Variants in C4orf17 observed in about 807,000 individuals in gnomAD.
C4orf17 encodes the protein uncharacterized protein C4orf17.
Under a neutral mutation model 32.0 loss-of-function variants are expected in C4orf17, and 25 were observed. That is an observed-to-expected ratio of 0.78 (90% CI 0.57 to 1.09). The LOEUF is 1.09. C4orf17 is among the 50% of genes least tolerant of loss of function. C4orf17 has a pLI of 0.00. For missense variants in C4orf17, 420 were observed against 420.0 expected (o/e 1.00, Z 0.00); for synonymous variants, 149 against 145.8 (o/e 1.02, Z -0.16).
At chr4:99,524,067 C>A (rs1047222172) in intron 3 of C4orf17, among the ~76,000 whole-genome samples, 10 of 150,494 alleles carry the variant, frequency 6.6e-5, no homozygotes, top group Admixed American at 3.3e-4. Context: ...GCAAACTCCA[C>A]CTCCTGGGTT....
At chr4:99,524,062 C>A (rs929704133) in intron 3 of C4orf17, among the ~76,000 whole-genome samples, 4 of 147,320 alleles carry the variant, frequency 2.7e-5, no homozygotes, top group African/African-American at 1.0e-4. Context: ...TCACTGCAAA[C>A]TCCACCTCCT....
intron 1 of C4orf17, among the ~76,000 whole-genome samples, chr4:99,512,339 A>T (rs1430248531): frequency 2.0e-5 from 3 of 152,154 alleles, no homozygotes; most frequent in Non-Finnish European, 2.9e-5. Context: ...TCTTTCTCAC[A>T]TGGTTGTGAA....
In C4orf17 at chr4:99,520,093, T is replaced by A. The variant is rs1317660860; in HGVS notation, c.128-2407T>A. Reference sequence around the variant, plus strand: ...AAACCCCAAAACCCACATTTAATTTTTTTTTTTTTTTTTTGAGACGGAGTC... The same window carrying A: ...AAACCCCAAAACCCACATTTAATTTATTTTTTTTTTTTTTGAGACGGAGTC... On this transcript the variant is annotated intron_variant, in intron 2 of 8. Transcript: ENST00000326581. Among the ~76,000 whole-genome samples, 3 of 151,164 alleles carry A rather than the reference T, an allele frequency of 2.0e-5. No individual in the cohort carries two copies. In the East Asian group the frequency reaches 5.9e-4, roughly 30 times the overall value.
At chr4:99,529,208 C>T (rs2110170893) in intron 4 of C4orf17, among the ~76,000 whole-genome samples, 1 of 152,152 alleles carries the variant, frequency 6.6e-6, no homozygotes, top group East Asian at 1.9e-4. Context: ...GGAACAGGCC[C>T]ATGGATCTAA....
chr4:99,523,003 C>G (rs1433984023), intron 3 of C4orf17, among the ~76,000 whole-genome samples: 1 of 152,098 alleles, frequency 6.6e-6, no homozygotes. Flanking sequence ...GAATGTTGTT[C>G]CAACACTGAT....
In C4orf17 at chr4:99,540,400, C is replaced by A; in HGVS notation, c.837-12C>A. 6.2e-7 allele frequency: 1 copy of A among 1,602,736 alleles called. No individual in the cohort carries two copies. The highest frequency in any genetic ancestry group is 1.1e-5 in the South Asian group (1 of 89,436). Reference sequence around the variant, plus strand: ...TGTGAAATTCACTTTTTTCTTTCTCCAACTGATCTAGAGTGTCAAGTCAAG... The same window carrying A: ...TGTGAAATTCACTTTTTTCTTTCTCAAACTGATCTAGAGTGTCAAGTCAAG... On this transcript the variant is annotated splice_polypyrimidine_tract_variant and intron_variant, in intron 7 of 8. Coordinates refer to ENST00000326581, the MANE Select transcript of C4orf17 (RefSeq NM_032149.3).
rs759839030 is a variant in C4orf17 at position 99,539,165 on chromosome 4, A to G, written c.631A>G (p.Lys211Glu). ...QWLLHATSKE[K>E]EWVSALIHSE... ...CCCTTTTTTGTCTTTTAAACCAGAAAAAGAGTGGGTCTCAGCTTTGATTCA... is the reference window on the plus strand; with the variant it reads ...CCCTTTTTTGTCTTTTAAACCAGAAGAAGAGTGGGTCTCAGCTTTGATTCA... Residue 211 changes from lysine (K) to glutamate (E), a missense_variant and splice_region_variant, in exon 7 of 9, where the codon AAA (lysine) becomes GAA (glutamate). Lys to Glu is a moderately conservative substitution (Grantham distance 56). Transcript: ENST00000326581. 6.2e-7 allele frequency: 1 copy of G among 1,613,764 alleles called. No homozygotes were observed. The highest frequency in any genetic ancestry group is 8.5e-7 in the Non-Finnish European group (1 of 1,179,704).
chr4:99,531,653 C>T (rs895532474), intron 5 of C4orf17, among the ~76,000 whole-genome samples: 1 of 152,148 alleles, frequency 6.6e-6, no homozygotes, highest in Non-Finnish European at 1.5e-5. Flanking sequence ...GATTTCTTAG[C>T]ACTCACCACT....
chr4:99,511,579 CAATT>C (rs1723094624), intron 1 of C4orf17, among the ~76,000 whole-genome samples: 2 of 152,030 alleles, frequency 1.3e-5, no homozygotes. Context: ...GGCAATAAAA[CAATT>C]AATCTGTGGT....
chr4:99,512,233 A>G (rs1002412965), intron 1 of C4orf17, among the ~76,000 whole-genome samples: 1 of 152,196 alleles, frequency 6.6e-6, no homozygotes, highest in Admixed American at 6.5e-5. Flanking sequence ...AAAAAATACA[A>G]CAAGCACCAG....
In C4orf17 at chr4:99,522,493, C is replaced by A; in HGVS notation, c.128-7C>A. On this transcript the variant is annotated splice_polypyrimidine_tract_variant and splice_region_variant and intron_variant, in intron 2 of 8. Transcript: ENST00000326581. Reference sequence around the variant, plus strand: ...TCTGTCTCTTTTTTTAATCTTTACTCACCTAGGCTTGAATAACATTCCAAT... The same window carrying A: ...TCTGTCTCTTTTTTTAATCTTTACTAACCTAGGCTTGAATAACATTCCAAT... 1 of 1,608,496 alleles carries A rather than the reference C, an allele frequency of 6.2e-7. No homozygotes were observed. Among genetic ancestry groups the A allele is most frequent in the South Asian group, 1.1e-5 (1 of 90,564 alleles).
In C4orf17 at chr4:99,521,967, C is replaced by T. The variant is rs557664076; in HGVS notation, c.128-533C>T. ...AGGAGTTCCTTTTATACCAACTTCT[C>T]CTTCCTCCTTCTTTCACAATCTACC... On this transcript the variant is annotated intron_variant, in intron 2 of 8. Coordinates refer to ENST00000326581, the MANE Select transcript of C4orf17 (RefSeq NM_032149.3). 2.0e-5 allele frequency among the ~76,000 whole-genome samples: 3 copies of T among 152,298 alleles called. No individual in the cohort carries two copies. The South Asian group carries it at 6.2e-4, about 32-fold the overall frequency.
chr4:99,518,618 C>T (rs1723236899), intron 2 of C4orf17, among the ~76,000 whole-genome samples: 2 of 126,538 alleles, frequency 1.6e-5, no homozygotes, highest in Non-Finnish European at 3.2e-5. Context: ...GACTGTTTAT[C>T]CTACACAAAA....
At chr4:99,539,049 C>A in intron 6 of C4orf17, 114 bp from the exon 7 acceptor site, 1 of 968,904 alleles carries the variant, frequency 1.0e-6, no homozygotes, top group Non-Finnish European at 1.6e-6. Context: ...AGGTAACTAT[C>A]CAGAAAATAG....
At chr4:99,525,721 G>T (rs1284834007) in intron 4 of C4orf17, among the ~76,000 whole-genome samples, 1 of 151,968 alleles carries the variant, frequency 6.6e-6, no homozygotes, top group Non-Finnish European at 1.5e-5. Context: ...TTGAATCCGG[G>T]AGGTGGAGGA....
chr4:99,533,526 G>C (rs1056328210), intron 5 of C4orf17, among the ~76,000 whole-genome samples: 2 of 152,170 alleles, frequency 1.3e-5, no homozygotes, highest in Admixed American at 6.5e-5. Flanking sequence ...AGCCTGAACA[G>C]AGAGCAGCAG....
intron 1 of C4orf17, among the ~76,000 whole-genome samples, chr4:99,512,541 T>C (rs556555860): frequency 4.6e-5 from 7 of 152,284 alleles, no homozygotes; most frequent in South Asian, 2.1e-4. Context: ...GAAGATGATA[T>C]ACATTTTAAG....
chr4:99,530,506 A>C (rs571201332), intron 5 of C4orf17, among the ~76,000 whole-genome samples: 1 of 150,044 alleles, frequency 6.7e-6, no homozygotes, highest in East Asian at 2.0e-4. Context: ...TACGTCAGTC[A>C]GCTGATATTT....
intron 2 of C4orf17, among the ~76,000 whole-genome samples, chr4:99,516,888 T>C (rs1723196666): frequency 6.6e-6 from 1 of 152,210 alleles, no homozygotes; most frequent in Non-Finnish European, 1.5e-5. Context: ...GGCCTTTTCA[T>C]CCACCATTCT....
Sources: allele counts gnomAD v4.1 joint callset (sites outside exome capture counted in the v4.1 genomes callset), GRCh38; gene constraint gnomAD v4.1.1; transcripts MANE v1.5; gene names NCBI Gene and HGNC (gene_info 2026-07-23, HGNC 2026-07-21).